The following FRMD5 variants were observed in gnomAD, a reference collection of about 807,000 sequenced individuals.
FRMD5 encodes the protein FERM domain containing 5.
In FRMD5, 20 loss-of-function variants were observed where a neutral mutation model predicts 69.0. The observed-to-expected ratio is 0.29, with a 90% CI of 0.20 to 0.42. The LOEUF is 0.42. Among genes scored for constraint, FRMD5 ranks in the 10% least tolerant of loss-of-function variants. The pLI is 1.00. For missense variants in FRMD5, 595 were observed against 708.6 expected, an observed-to-expected ratio of 0.84 and a Z score of 1.82; for synonymous variants, 271 against 260.1, an observed-to-expected ratio of 1.04 and a Z score of -0.40.
chr15:43,911,024 C>T (rs2089278789), intron 4 of FRMD5, among the ~76,000 whole-genome samples: 1 of 152,224 alleles, frequency 6.6e-6, no homozygotes, highest in South Asian at 2.1e-4. Context: ...GACCCTGTCA[C>T]AGTGGAATGG....
chr15:44,000,788 C>A (rs977519042), intron 1 of FRMD5, among the ~76,000 whole-genome samples: 2 of 151,988 alleles, frequency 1.3e-5, no homozygotes, highest in Admixed American at 6.6e-5. Flanking sequence ...TTTTGAGGAA[C>A]CTCCATACTG....
intron 1 of FRMD5, among the ~76,000 whole-genome samples, chr15:43,946,102 C>A (rs2089942979): frequency 6.6e-6 from 1 of 152,046 alleles, no homozygotes; most frequent in Non-Finnish European, 1.5e-5. Flanking sequence ...TGACAGCACC[C>A]AAATCTCTCC....
chr15:43,905,260 C>T (rs900847619), intron 6 of FRMD5, among the ~76,000 whole-genome samples: 7 of 151,842 alleles, frequency 4.6e-5, no homozygotes, highest in African/African-American at 7.3e-5. Context: ...CCTCAGCCTC[C>T]GGAGTAGTTG....
chr15:44,043,846 A>G (rs7402780), intron 1 of FRMD5, among the ~76,000 whole-genome samples: 130,966 of 152,074 alleles, frequency 0.86, 57,915 homozygotes, highest in Non-Finnish European at 0.95. Context: ...AGGCAATACC[A>G]TTCAGGACAT....
intron 6 of FRMD5, among the ~76,000 whole-genome samples, chr15:43,902,992 C>T (rs2089083415): frequency 6.6e-6 from 1 of 152,176 alleles, no homozygotes; most frequent in Non-Finnish European, 1.5e-5. Context: ...TGCTCCACAA[C>T]AGCTGTCTGT....
intron 1 of FRMD5, among the ~76,000 whole-genome samples, chr15:43,973,571 T>A (rs2090420530): frequency 6.6e-6 from 1 of 151,862 alleles, no homozygotes; most frequent in Non-Finnish European, 1.5e-5. Flanking sequence ...TTTCACCATG[T>A]TGGTCAGGCT....
chr15:43,916,007 C>T (rs1448529098), intron 4 of FRMD5, among the ~76,000 whole-genome samples: 1 of 152,054 alleles, frequency 6.6e-6, no homozygotes, highest in Non-Finnish European at 1.5e-5. Context: ...CACAGAATGC[C>T]CCAGGGAGGG....
chr15:44,197,498 A>G (rs1394639528), upstream of FRMD5, among the ~76,000 whole-genome samples: 2 of 151,550 alleles, frequency 1.3e-5, no homozygotes, highest in Non-Finnish European at 2.9e-5. Flanking sequence ...CCTGGCCATC[A>G]TGGTGAAACC....
At chr15:44,101,042 G>A (rs894622312) in intron 1 of FRMD5, among the ~76,000 whole-genome samples, 1 of 151,886 alleles carries the variant, frequency 6.6e-6, no homozygotes, top group African/African-American at 2.4e-5. Context: ...CCAGCTACTC[G>A]GGAGGCTGAC....
intron 1 of FRMD5, among the ~76,000 whole-genome samples, chr15:44,154,452 T>A (rs937192685): frequency 6.6e-6 from 1 of 152,224 alleles, no homozygotes; most frequent in Non-Finnish European, 1.5e-5. Flanking sequence ...TACTTGGTTA[T>A]TGAGGGCACC....
At chr15:44,109,217 T>C (rs974740329) in intron 1 of FRMD5, among the ~76,000 whole-genome samples, 4 of 152,086 alleles carry the variant, frequency 2.6e-5, no homozygotes, top group Non-Finnish European at 5.9e-5. Context: ...GTGCCACTGT[T>C]TGCTCTTTGC....
At chr15:44,149,824 T>C (rs76143075) in intron 1 of FRMD5, among the ~76,000 whole-genome samples, 6,748 of 152,142 alleles carry the variant, frequency 0.044, 442 homozygotes, top group African/African-American at 0.14. Context: ...ACTACCCTAA[T>C]AGCAAAGCAA....
chr15:44,020,235 A>C (rs1378041754), intron 1 of FRMD5, among the ~76,000 whole-genome samples: 1 of 152,096 alleles, frequency 6.6e-6, no homozygotes, highest in Non-Finnish European at 1.5e-5. Context: ...TATCTTAATA[A>C]GACCACTTTA....
intron 1 of FRMD5, chr15:43,990,186 G>A: frequency 2.0e-6 from 1 of 512,716 alleles, no homozygotes; most frequent in Admixed American, 2.4e-5. Context: ...ATCATCCATG[G>A]TGAGCTGGCG....
chr15:43,896,306 C>A (rs2088910555), intron 7 of FRMD5, among the ~76,000 whole-genome samples: 1 of 152,220 alleles, frequency 6.6e-6, no homozygotes. Flanking sequence ...CTCCTTCTTT[C>A]CTCTGTGACT....
At chr15:44,132,900 C>T (rs1448674823) in intron 1 of FRMD5, among the ~76,000 whole-genome samples, 1 of 151,814 alleles carries the variant, frequency 6.6e-6, no homozygotes, top group Non-Finnish European at 1.5e-5. Flanking sequence ...GTAGCTGGGA[C>T]TACAAGTGCT....
chr15:43,956,444 AAAAT>A (rs967399341), intron 1 of FRMD5, among the ~76,000 whole-genome samples: 32 of 152,292 alleles, frequency 2.1e-4, no homozygotes, highest in African/African-American at 7.2e-4. Context: ...GGAAGATATA[AAAAT>A]AAATAAATAA....
intron 1 of FRMD5, among the ~76,000 whole-genome samples, chr15:43,943,379 C>T (rs899180391): frequency 5.9e-5 from 9 of 152,262 alleles, no homozygotes; most frequent in South Asian, 2.1e-4. Flanking sequence ...TGCTCCTGGC[C>T]GTAAGAGAGT....
intron 1 of FRMD5, among the ~76,000 whole-genome samples, chr15:44,155,583 C>T (rs1176517763): frequency 6.6e-6 from 1 of 151,748 alleles, no homozygotes; most frequent in Non-Finnish European, 1.5e-5. Flanking sequence ...AATTTAATTC[C>T]TCCCCAAATA....
Sources: gnomAD v4.1 joint callset for allele counts (sites outside exome capture counted in the v4.1 genomes callset) on GRCh38, gnomAD v4.1.1 for gene constraint, MANE v1.5 for transcripts, NCBI Gene and HGNC (gene_info 2026-07-23, HGNC 2026-07-21) for gene names.